Variants in CTTNBP2 observed in about 807,000 individuals in gnomAD.
CTTNBP2 encodes cortactin-binding protein 2.
CTTNBP2 carries 108 observed loss-of-function variants against 156.9 expected under a neutral mutation model. The observed-to-expected ratio is 0.69, with a 90% CI of 0.59 to 0.81. The LOEUF is 0.81. Ranked by LOEUF, CTTNBP2 falls within the 30% of genes least tolerant of loss-of-function variation. The pLI is 0.00. For missense variants in CTTNBP2, 1,924 were observed against 2,035.4 expected, an observed-to-expected ratio of 0.95 and a Z score of 1.05; for synonymous variants, 767 against 751.8, an observed-to-expected ratio of 1.02 and a Z score of -0.33.
chr7:117,785,560 A>G (rs1798664153), intron 4 of CTTNBP2, among the ~76,000 whole-genome samples: 1 of 152,214 alleles, frequency 6.6e-6, no homozygotes, highest in South Asian at 2.1e-4. Context: ...GACCAAAGTG[A>G]TTACAGATGG....
chr7:117,728,727 CTTA>C (rs1323849146), intron 16 of CTTNBP2, among the ~76,000 whole-genome samples: 2 of 152,120 alleles, frequency 1.3e-5, no homozygotes, highest in East Asian at 1.9e-4. Context: ...CCTTTACATA[CTTA>C]TTTTTATTTA....
At chr7:117,789,608 T>C (rs1463465115) in intron 4 of CTTNBP2, among the ~76,000 whole-genome samples, 4 of 152,206 alleles carry the variant, frequency 2.6e-5, no homozygotes, top group Non-Finnish European at 4.4e-5. Flanking sequence ...GAATGCTGAA[T>C]GCCTGTAAAG....
intron 10 of CTTNBP2, chr7:117,758,197 C>G (rs1796995160): frequency 2.0e-6 from 1 of 508,354 alleles, no homozygotes. Context: ...TCCAAAGCAG[C>G]CCATAGGAGG....
At chr7:117,757,781 A>G (rs2116631549) in intron 11 of CTTNBP2, 94 bp downstream of exon 11, 3 of 746,874 alleles carry the variant, frequency 4.0e-6, no homozygotes, top group Non-Finnish European at 2.2e-6. Flanking sequence ...GCTAGAAGAC[A>G]TGGGATGAAA....
intron 2 of CTTNBP2, among the ~76,000 whole-genome samples, chr7:117,832,049 C>A (rs985176903): frequency 1.3e-5 from 2 of 152,094 alleles, no homozygotes; most frequent in South Asian, 2.1e-4. Context: ...TGAAACTCAA[C>A]AAGAATTAAA....
At chr7:117,717,229 C>CCTGGTT (rs1195133193) in intron 22 of CTTNBP2, among the ~76,000 whole-genome samples, 1 of 152,148 alleles carries the variant, frequency 6.6e-6, no homozygotes, top group Admixed American at 6.5e-5. Context: ...CTACTGGAAT[C>CCTGGTT]CTGGTTCTTC....
At chr7:117,719,356 C>T (rs549224835) in intron 21 of CTTNBP2, 148 bp downstream of exon 21, 33 of 676,708 alleles carry the variant, frequency 4.9e-5, no homozygotes, top group Admixed American at 4.6e-4. Context: ...TAGGAAGAAA[C>T]GGCCTTTCTA....
intron 8 of CTTNBP2, among the ~76,000 whole-genome samples, chr7:117,768,581 A>AAAAAAAAAAAAAAAAAAAG (rs1554419704): frequency 1.0e-5 from 1 of 99,112 alleles, no homozygotes; most frequent in African/African-American, 4.8e-5. Context: ...AAAAAAAAAA[A>AAAAAAAAAAAAAAAAAAAG]AAAGAAAGAA....
intron 2 of CTTNBP2, among the ~76,000 whole-genome samples, chr7:117,819,910 A>G (rs749862268): frequency 1.3e-5 from 2 of 152,254 alleles, no homozygotes; most frequent in African/African-American, 2.4e-5. Context: ...TCTGGAAGGC[A>G]TACTTCAATA....
chr7:117,722,649 TTC>T (rs1370718438), intron 19 of CTTNBP2, among the ~76,000 whole-genome samples: 4 of 152,240 alleles, frequency 2.6e-5, no homozygotes, highest in Non-Finnish European at 5.9e-5. Context: ...ATTTTGTTGA[TTC>T]TGTTTGTCTA....
At chr7:117,853,138 G>A (rs981352152) in intron 2 of CTTNBP2, among the ~76,000 whole-genome samples, 13 of 152,088 alleles carry the variant, frequency 8.5e-5, no homozygotes, top group South Asian at 2.1e-4. Context: ...TTAACCTCAG[G>A]ATTCCTGCAA....
In CTTNBP2 at chr7:117,728,213, C is replaced by A. The variant is rs186428710; in HGVS notation, c.3931G>T (p.Ala1311Ser). ...TTAAGCTGACGCCAGACGGACAGAG[C>A]CCAGTCGACAATCTTGCACACAGGA... ...CDPVCKIVDWALSVWRQLNSC... is the reference protein window; with the variant it reads ...CDPVCKIVDWSLSVWRQLNSC... The change falls in exon 17 of 23, where the codon GCT becomes TCT. Residue 1311 changes from alanine to serine, a missense_variant. By Grantham distance (99) the Ala-to-Ser change is moderately conservative (BLOSUM62 1). Transcript: ENST00000160373. The A allele has an allele frequency of 1.2e-6, 2 of 1,614,122 alleles. No individual in the cohort carries two copies. The highest frequency in any genetic ancestry group is 1.7e-6 in the Non-Finnish European group (2 of 1,179,992).
intron 9 of CTTNBP2, among the ~76,000 whole-genome samples, chr7:117,766,067 T>TG (rs753525242): frequency 6.6e-6 from 1 of 152,214 alleles, no homozygotes; most frequent in Non-Finnish European, 1.5e-5. Flanking sequence ...AAGTGAAATA[T>TG]AATTAAATGA....
At chr7:117,783,804 T>C (rs892891443) in intron 5 of CTTNBP2, among the ~76,000 whole-genome samples, 3 of 152,220 alleles carry the variant, frequency 2.0e-5, no homozygotes, top group Middle Eastern at 3.2e-3. Context: ...TTCATCGATA[T>C]ACCATTTATA....
At chr7:117,764,669 T>A (rs1797381797) in intron 9 of CTTNBP2, among the ~76,000 whole-genome samples, 1 of 152,236 alleles carries the variant, frequency 6.6e-6, no homozygotes, top group Admixed American at 6.5e-5. Flanking sequence ...TAAAATTTAT[T>A]TTTAAGTGCT....
chr7:117,845,239 G>A (rs1416298384), intron 2 of CTTNBP2, among the ~76,000 whole-genome samples: 2 of 152,156 alleles, frequency 1.3e-5, no homozygotes, highest in Non-Finnish European at 2.9e-5. Context: ...GTAAGGAGAT[G>A]TCCAAGAACT....
intron 2 of CTTNBP2, among the ~76,000 whole-genome samples, chr7:117,851,812 C>T (rs1408523992): frequency 6.6e-6 from 1 of 152,102 alleles, no homozygotes; most frequent in Non-Finnish European, 1.5e-5. Flanking sequence ...TCAGTTATGC[C>T]AGTCAAGTCT....
chr7:117,807,330 A>C (rs1274106691), intron 3 of CTTNBP2, among the ~76,000 whole-genome samples: 1 of 152,242 alleles, frequency 6.6e-6, no homozygotes, highest in Non-Finnish European at 1.5e-5. Flanking sequence ...CTAAAAAGCA[A>C]TTTAAAATGA....
At chr7:117,820,557 G>A (rs1319155927) in intron 2 of CTTNBP2, among the ~76,000 whole-genome samples, 1 of 152,162 alleles carries the variant, frequency 6.6e-6, no homozygotes, top group East Asian at 1.9e-4. Flanking sequence ...TGTGTATGGT[G>A]TTAGAAATAA....
Sources: gnomAD v4.1 joint callset for allele counts (sites outside exome capture counted in the v4.1 genomes callset) on GRCh38, gnomAD v4.1.1 for gene constraint, MANE v1.5 for transcripts, NCBI Gene and HGNC (gene_info 2026-07-23, HGNC 2026-07-21) for gene names.